The following USP44 variants were observed in gnomAD, a reference collection of about 807,000 sequenced individuals.
USP44 encodes ubiquitin specific peptidase 44, also known as ubiquitin carboxyl-terminal hydrolase 44.
In USP44, 61 loss-of-function variants were observed where a neutral mutation model predicts 69.0. That is an observed-to-expected ratio of 0.88 (90% CI 0.72 to 1.09). The LOEUF (loss-of-function observed/expected upper bound fraction) is 1.09, where lower values mean the gene tolerates loss of function less well. Among genes scored for constraint, USP44 ranks in the 50% least tolerant of loss-of-function variants. The pLI, the probability that USP44 is intolerant of heterozygous loss-of-function variation, is 0.00. For missense variants in USP44, 753 were observed against 849.9 expected, an observed-to-expected ratio of 0.89 and a Z score of 1.42; for synonymous variants, 297 against 295.4, an observed-to-expected ratio of 1.01 and a Z score of -0.06.
In USP44 at chr12:95,520,988, T is replaced by C. The variant is rs1006280417; in HGVS notation, c.1939+9A>G. 2 of 1,613,642 alleles carry C rather than the reference T, an allele frequency of 1.2e-6. No individual in the cohort carries two copies. The highest frequency in any genetic ancestry group is 2.7e-5 in the African/African-American group (2 of 74,920). ...CAACCCAAGATAAAATACTTTTTCT[T>C]ATCTATACCTCCTTCAGAATTATAG... is the stretch of plus-strand genomic sequence containing the variant. On this transcript the variant is annotated intron_variant, in intron 5 of 5. Coordinates refer to ENST00000258499, the MANE Select transcript of USP44 (RefSeq NM_032147.5).
intron 5 of USP44, among the ~76,000 whole-genome samples, chr12:95,518,728 C>G (rs1031202261): frequency 3.9e-5 from 6 of 152,060 alleles, no homozygotes; most frequent in African/African-American, 1.4e-4. Flanking sequence ...TCACCTGAGG[C>G]CAGGAGTTAG....
At chr12:95,532,414 C>T (rs879396097) in intron 2 of USP44, among the ~76,000 whole-genome samples, 9 of 151,992 alleles carry the variant, frequency 5.9e-5, no homozygotes, top group South Asian at 2.1e-4. Context: ...CTGATCTACC[C>T]GCCTTGGCTT....
intron 1 of USP44, among the ~76,000 whole-genome samples, chr12:95,540,650 C>T (rs2077357814): frequency 6.6e-6 from 1 of 152,024 alleles, no homozygotes; most frequent in South Asian, 2.1e-4. Flanking sequence ...GCTCTCCCTC[C>T]CATCTTTTTT....
chr12:95,534,436 T>A, intron 1 of USP44, 110 bp from the exon 2 acceptor site: 1 of 591,542 alleles, frequency 1.7e-6, no homozygotes, highest in Non-Finnish European at 2.9e-6. Context: ...AGGCTGCTTA[T>A]CATAATACCA....
At chr12:95,518,392 T>G (rs751936151) in intron 5 of USP44, 39 bp from the exon 6 acceptor site, 1 of 1,595,532 alleles carries the variant, frequency 6.3e-7, no homozygotes, top group African/African-American at 1.3e-5. Flanking sequence ...GAAGGGACTT[T>G]AGAAAATTCT....
In USP44 at chr12:95,524,930, G is replaced by A. The variant is rs112504726; in HGVS notation, c.1625-142C>T. The A allele has an allele frequency of 3.1e-4, 227 of 720,882 alleles. No homozygotes were observed. The African/African-American group carries it at 3.8e-3, about 12-fold the overall frequency. The allele number at this position is 720,882 out of a possible 1,614,324, so 44.7% of individuals were successfully genotyped here. ...TTGTACTGTGCTAGAGATAGACATG[G>A]GCTTTGCCCTCAAGAAACTCATGAT... On this transcript the variant is annotated intron_variant, in intron 3 of 5. Transcript: ENST00000258499.
At position 95,533,896 on chromosome 12, in the gene USP44, G is replaced by A. The variant is rs755556772; in HGVS notation, c.361C>T (p.Arg121Trp). The change falls in exon 2 of 6, where the codon CGG (arginine) becomes TGG (tryptophan). Residue 121 changes from arginine to tryptophan, a missense_variant. Coordinates refer to ENST00000258499, the MANE Select transcript of USP44 (RefSeq NM_032147.5). Reference sequence around the variant, plus strand: ...GAATCATCACCTGTACCCATGGACCGTAAAAACCTCCCACTACGAGTTGTG... The same window carrying A: ...GAATCATCACCTGTACCCATGGACCATAAAAACCTCCCACTACGAGTTGTG... ...HCTTRSGRFL[R>W]SMGTGDDSYF... 25 of 1,614,036 alleles carry A rather than the reference G, an allele frequency of 1.5e-5. No homozygotes were observed. The highest frequency in any genetic ancestry group is 6.6e-5 in the South Asian group (6 of 91,092).
chr12:95,533,224 C>G lies in USP44; in HGVS notation c.1033G>C (p.Val345Leu), dbSNP rs565364368. The change falls in exon 2 of 6, where the codon GTT becomes CTT. Residue 345 changes from valine to leucine, a missense_variant. Val to Leu is a conservative substitution (Grantham distance 32). Coordinates refer to ENST00000258499, the MANE Select transcript of USP44 (RefSeq NM_032147.5). ...NECQEKDTGF[V>L]CSRQSSLSSG... The stretch of plus-strand genomic sequence containing the variant: ...GACAGACTTGATTGTCTGGAGCAAA[C>G]AAAACCTGTATCTTTTTCCTGACAT... 3 of 1,614,106 alleles carry G rather than the reference C, an allele frequency of 1.9e-6. No individual in the cohort carries two copies. The highest frequency in any genetic ancestry group is 2.7e-5 in the African/African-American group (2 of 75,062).
rs1306961919 is a variant in USP44, at chr12:95,521,158, C to T, written c.1778G>A (p.Gly593Asp). ...CTCCATGTTTAAGATTTCCTCAAAG[C>T]CAACATGAACACCAATCTTCTCTCG... Reference protein sequence around the residue: ...NNREKIGVHVGFEEILNMEPY... With the variant: ...NNREKIGVHVDFEEILNMEPY... The change falls in exon 5 of 6, where the codon GGC becomes GAC. Residue 593 changes from glycine to aspartate, a missense_variant. Transcript: ENST00000258499. The T allele has an allele frequency of 6.2e-7, 1 of 1,614,178 alleles. No homozygotes were observed. The highest frequency in any genetic ancestry group is 2.2e-5 in the East Asian group (1 of 44,874).
intron 1 of USP44, among the ~76,000 whole-genome samples, chr12:95,545,550 C>A (rs1414870485): frequency 6.6e-6 from 1 of 152,142 alleles, no homozygotes; most frequent in East Asian, 1.9e-4. Context: ...ACAACTTTAT[C>A]CATAGTTTGC....
In USP44 at chr12:95,534,403, T is replaced by C. The variant is rs1592715354; in HGVS notation, c.-70-77A>G. The C allele has an allele frequency of 4.0e-6, 3 of 758,868 alleles. No individual in the cohort carries two copies. In the East Asian group the frequency reaches 8.2e-5, roughly 21 times the overall value. 47.0% of individuals were successfully genotyped at this position (758,868 alleles called of 1,614,324 possible). ...TTTTTTCCCAAGAATAATAAAGATT[T>C]GTGTCCTCTGCTCCCAATTTCTAGG... On this transcript the variant is annotated intron_variant, in intron 1 of 5. Coordinates refer to ENST00000258499, the MANE Select transcript of USP44 (RefSeq NM_032147.5).
At chr12:95,534,428 G>T in intron 1 of USP44, 102 bp from the exon 2 acceptor site, 2 of 625,696 alleles carry the variant, frequency 3.2e-6, no homozygotes, top group Non-Finnish European at 5.3e-6. Context: ...CAATTTCTAG[G>T]CTGCTTATCA....
At chr12:95,540,212 C>T (rs949740776) in intron 1 of USP44, among the ~76,000 whole-genome samples, 2 of 152,158 alleles carry the variant, frequency 1.3e-5, no homozygotes, top group Non-Finnish European at 2.9e-5. Flanking sequence ...CCAAAGTCAG[C>T]TTACCTACGC....
At chr12:95,526,696 T>C (rs955266519) in intron 3 of USP44, among the ~76,000 whole-genome samples, 1 of 152,224 alleles carries the variant, frequency 6.6e-6, no homozygotes, top group Non-Finnish European at 1.5e-5. Flanking sequence ...ATTTCTTCAA[T>C]GTGGGAATAT....
At chr12:95,543,368 C>T (rs939309650) in intron 1 of USP44, among the ~76,000 whole-genome samples, 2 of 123,760 alleles carry the variant, frequency 1.6e-5, no homozygotes, top group African/African-American at 3.2e-5. Context: ...CATGCCACTG[C>T]AGCAGTCCAG....
At chr12:95,546,765 CAA>C (rs1348395232) in intron 1 of USP44, 2 of 152,184 alleles carry the variant, frequency 1.3e-5, no homozygotes, top group African/African-American at 4.8e-5. Flanking sequence ...CTCTACCATT[CAA>C]AACCCCAATT....
In USP44 at chr12:95,533,467, G is replaced by A. The variant is rs764209023; in HGVS notation, c.790C>T (p.Arg264Ter). Residue 264 changes from arginine to a stop codon, truncating the protein, a stop_gained, in exon 2 of 6, where the codon CGA becomes TGA. Coordinates refer to ENST00000258499, the MANE Select transcript of USP44 (RefSeq NM_032147.5). LOFTEE classifies it high-confidence loss of function. The stretch of plus-strand genomic sequence containing the variant: ...ACACCAGGAGTTACTATTGGCCTTC[G>A]TTTAACTGAGGAGTCACTGACTTTT... ...SQKVSDSSVK[R>*]RPIVTPGVTG... 4 of 1,614,028 alleles carry A rather than the reference G, an allele frequency of 2.5e-6. No individual in the cohort carries two copies. The African/African-American group carries it at 5.3e-5, about 22-fold the overall frequency.
At chr12:95,551,172 C>T (rs902535595) in intron 1 of USP44, 100 bp downstream of exon 1, 1 of 151,676 alleles carries the variant, frequency 6.6e-6, no homozygotes, top group Non-Finnish European at 1.5e-5. Flanking sequence ...TTTTTTAACC[C>T]GTCTCATCGA....
In USP44 at chr12:95,548,983, G is replaced by A. The variant is rs1440080699; in HGVS notation, c.-71+2289C>T. On this transcript the variant is annotated intron_variant, in intron 1 of 5. Coordinates refer to ENST00000258499, the MANE Select transcript of USP44 (RefSeq NM_032147.5). The surrounding 1 kb of genome is among the most constrained non-coding windows in gnomAD (Gnocchi z 4.1). ...GCCTCGTGGGGGGGTCGGGGCCACG[G>A]ACGGTCCCCGGCGCCGCAAGTGGGT... 1.3e-5 allele frequency: 2 copies of A among 152,142 alleles called. No homozygotes were observed. Among genetic ancestry groups the A allele is most frequent in the African/African-American group, 4.8e-5 (2 of 41,438 alleles). 9.4% of individuals were successfully genotyped at this position (152,142 alleles called of 1,614,324 possible).
Sources: gnomAD v4.1 joint callset for allele counts (sites outside exome capture counted in the v4.1 genomes callset) on GRCh38, gnomAD v4.1.1 for gene constraint, Gnocchi (gnomAD v3.1) non-coding constraint, MANE v1.5 for transcripts, NCBI Gene and HGNC (gene_info 2026-07-23, HGNC 2026-07-21) for gene names.